The following NDST4 variants were observed in gnomAD, a reference collection of about 807,000 sequenced individuals.
The protein encoded by NDST4 is N-deacetylase and N-sulfotransferase 4, also known as N-heparan sulfate sulfotransferase 4.
Under a neutral mutation model 100.8 loss-of-function variants are expected in NDST4, and 63 were observed. That is an observed-to-expected ratio of 0.62 (90% confidence interval 0.51 to 0.77). The LOEUF is 0.77. Ranked by LOEUF, NDST4 falls within the 30% of genes least tolerant of loss-of-function variation. The pLI is 0.00. For synonymous variants in NDST4, 377 were observed against 361.8 expected (o/e 1.04, Z -0.48); for missense variants, 943 against 1,018.4 (o/e 0.93, Z 1.01).
chr4:115,031,825 T>TA (rs1728123212), intron 2 of NDST4, among the ~76,000 whole-genome samples: 1 of 152,038 alleles, frequency 6.6e-6, no homozygotes, highest in Non-Finnish European at 1.5e-5. Context: ...ATCCAACACC[T>TA]ACTCTTTTTG....
At chr4:115,092,825 T>C (rs1729545071) in intron 1 of NDST4, among the ~76,000 whole-genome samples, 1 of 151,954 alleles carries the variant, frequency 6.6e-6, no homozygotes, top group Admixed American at 6.6e-5. Flanking sequence ...ATAAGACTAG[T>C]AGAAAACACA....
At chr4:115,027,500 G>C (rs905059870) in intron 2 of NDST4, among the ~76,000 whole-genome samples, 2 of 152,124 alleles carry the variant, frequency 1.3e-5, no homozygotes, top group African/African-American at 4.8e-5. Flanking sequence ...TCCTTAGAAA[G>C]AGACTAGGGA....
At position 115,007,712 on chromosome 4, in the gene NDST4, G is replaced by C. The variant is rs1303205690; in HGVS notation, c.979-30438C>G. ...CACACAAAAACAAACCAAAATAAAA[G>C]ACCTCATTAGCTGATATCTGCTTAG... On this transcript the variant is annotated intron_variant, in intron 2 of 13. Coordinates refer to ENST00000264363, the MANE Select transcript of NDST4 (RefSeq NM_022569.3). Among the ~76,000 whole-genome samples, 2 of 129,400 alleles carry C rather than the reference G, an allele frequency of 1.5e-5. 1 individual carries two copies. The highest frequency in any genetic ancestry group is 3.3e-5 in the Non-Finnish European group (2 of 60,368). The allele number at this position is 129,400 out of a possible 152,430, so 84.9% of individuals were successfully genotyped here.
chr4:115,076,816 G>C lies in NDST4; in HGVS notation c.221C>G (p.Ser74Cys). ...GAGAAGGACAGTAGGGTCCGTTTTG[G>C]ATGTGTCAATAGGTTTAACTGTTTT... Reference protein sequence around the residue: ...ELKTVKPIDTSKTDPTVLLFV... With the variant: ...ELKTVKPIDTCKTDPTVLLFV... The change falls in exon 2 of 14, where the codon TCC becomes TGC. Residue 74 changes from serine (S) to cysteine (C), a missense_variant. Ser to Cys is a moderately radical substitution (Grantham distance 112). Coordinates refer to ENST00000264363, the MANE Select transcript of NDST4 (RefSeq NM_022569.3). 6.2e-7 allele frequency: 1 copy of C among 1,613,932 alleles called. No homozygotes were observed. The highest frequency in any genetic ancestry group is 8.5e-7 in the Non-Finnish European group (1 of 1,179,926).
At chr4:114,889,579 C>T (rs1421058431) in intron 6 of NDST4, among the ~76,000 whole-genome samples, 1 of 152,102 alleles carries the variant, frequency 6.6e-6, no homozygotes, top group Non-Finnish European at 1.5e-5. Context: ...TTTGATTCAG[C>T]AAAGGTGCAG....
chr4:114,974,972 G>A (rs1266365515), intron 3 of NDST4, among the ~76,000 whole-genome samples: 3 of 152,132 alleles, frequency 2.0e-5, no homozygotes, highest in Non-Finnish European at 4.4e-5. Flanking sequence ...GAGACAGTCA[G>A]TCCGACAAGG....
intron 6 of NDST4, among the ~76,000 whole-genome samples, chr4:114,874,898 A>T (rs1050079335): frequency 1.9e-4 from 29 of 152,298 alleles, no homozygotes; most frequent in Middle Eastern, 6.8e-3. Flanking sequence ...TACTAAAAAT[A>T]ATCTTTCTCA....
chr4:114,896,783 G>T (rs1360955439), intron 6 of NDST4, among the ~76,000 whole-genome samples: 1 of 152,104 alleles, frequency 6.6e-6, no homozygotes, highest in Non-Finnish European at 1.5e-5. Context: ...GGTAATTTTA[G>T]TATCACTATA....
intron 6 of NDST4, among the ~76,000 whole-genome samples, chr4:114,885,297 T>G: frequency 6.6e-6 from 1 of 152,130 alleles, no homozygotes; most frequent in East Asian, 1.9e-4. Context: ...ATGTGTCACA[T>G]GCTGACAGTC....
chr4:115,097,782 G>A (rs1443623330), intron 1 of NDST4, among the ~76,000 whole-genome samples: 1 of 152,078 alleles, frequency 6.6e-6, no homozygotes, highest in Admixed American at 6.6e-5. Context: ...AATTCACAGA[G>A]TGGTCCACAC....
intron 6 of NDST4, among the ~76,000 whole-genome samples, chr4:114,926,008 C>G (rs1725378924): frequency 6.6e-6 from 1 of 152,070 alleles, no homozygotes; most frequent in African/African-American, 2.4e-5. Flanking sequence ...GGTAGTGTCT[C>G]AACTTGAATG....
At chr4:115,097,558 T>A (rs1030094551) in intron 1 of NDST4, among the ~76,000 whole-genome samples, 1 of 152,152 alleles carries the variant, frequency 6.6e-6, no homozygotes, top group Non-Finnish European at 1.5e-5. Context: ...ACAATTCCCA[T>A]GGCTATCACC....
At chr4:115,035,850 T>G (rs1175582254) in intron 2 of NDST4, among the ~76,000 whole-genome samples, 2 of 152,050 alleles carry the variant, frequency 1.3e-5, no homozygotes, top group African/African-American at 4.8e-5. Context: ...CCAAGGATGT[T>G]AGTAAAACAT....
chr4:114,978,246 G>C (rs1367492332), intron 2 of NDST4, among the ~76,000 whole-genome samples: 2 of 151,910 alleles, frequency 1.3e-5, no homozygotes, highest in Admixed American at 6.6e-5. Context: ...CTATCCATCT[G>C]TTATGGAGAC....
At chr4:115,060,708 T>C (rs1484983587) in intron 2 of NDST4, among the ~76,000 whole-genome samples, 1 of 151,878 alleles carries the variant, frequency 6.6e-6, no homozygotes, top group East Asian at 1.9e-4. Context: ...CCTTTTTTTC[T>C]AGCAGCAGTA....
intron 6 of NDST4, among the ~76,000 whole-genome samples, chr4:114,873,538 T>C (rs1560789197): frequency 6.6e-6 from 1 of 151,976 alleles, no homozygotes; most frequent in Non-Finnish European, 1.5e-5. Flanking sequence ...CATAACACTG[T>C]CCAATGTCCC....
chr4:114,882,884 T>A (rs1486239365), intron 6 of NDST4, among the ~76,000 whole-genome samples: 1 of 151,820 alleles, frequency 6.6e-6, no homozygotes, highest in African/African-American at 2.4e-5. Flanking sequence ...CACACAAGGA[T>A]AAGAATTACA....
intron 2 of NDST4, among the ~76,000 whole-genome samples, chr4:115,003,217 G>A (rs1409286444): frequency 6.6e-6 from 1 of 152,084 alleles, no homozygotes; most frequent in African/African-American, 2.4e-5. Context: ...TGCACGTTCT[G>A]CATATGTATC....
chr4:115,054,630 A>G (rs1728654072), intron 2 of NDST4, among the ~76,000 whole-genome samples: 1 of 152,222 alleles, frequency 6.6e-6, no homozygotes, highest in African/African-American at 2.4e-5. Context: ...CAGAAATGCT[A>G]ATATTTTCTT....
Sources: allele counts gnomAD v4.1 joint callset (sites outside exome capture counted in the v4.1 genomes callset), GRCh38; gene constraint gnomAD v4.1.1; transcripts MANE v1.5; gene names NCBI Gene and HGNC (gene_info 2026-07-23, HGNC 2026-07-21).